SCAMP1: variants seen among roughly 807,000 people sequenced by gnomAD.
SCAMP1 encodes the protein secretory carrier membrane protein 1.
A neutral mutation model predicts 41.8 loss-of-function variants in SCAMP1; 15 were observed. That is an observed-to-expected ratio of 0.36 (90% confidence interval 0.24 to 0.55). The LOEUF is 0.55. SCAMP1 is among the 20% of genes least tolerant of loss of function. The pLI, the probability that SCAMP1 is intolerant of heterozygous loss-of-function variation, is 0.86. For synonymous variants in SCAMP1, 135 were observed against 136.8 expected, an observed-to-expected ratio of 0.99 and a Z score of 0.09; for missense variants, 341 against 412.6, an observed-to-expected ratio of 0.83 and a Z score of 1.50.
At chr5:78,435,511 T>C (rs973012750) in intron 6 of SCAMP1, among the ~76,000 whole-genome samples, 2 of 152,228 alleles carry the variant, frequency 1.3e-5, no homozygotes, top group Non-Finnish European at 2.9e-5. Context: ...TTGCTCAGAA[T>C]GATAGTTTCC....
At chr5:78,441,969 A>C (rs925790271) in intron 6 of SCAMP1, among the ~76,000 whole-genome samples, 1 of 151,982 alleles carries the variant, frequency 6.6e-6, no homozygotes, top group African/African-American at 2.4e-5. Flanking sequence ...TCTCTACAAA[A>C]AGTACAAATA....
intron 6 of SCAMP1, among the ~76,000 whole-genome samples, chr5:78,438,134 G>T (rs1325482431): frequency 1.3e-5 from 2 of 151,998 alleles, no homozygotes; most frequent in Non-Finnish European, 2.9e-5. Flanking sequence ...CTAGCAGTCT[G>T]TCAATTTTGT....
chr5:78,427,662 C>A (rs1752501080), intron 6 of SCAMP1, among the ~76,000 whole-genome samples: 1 of 152,042 alleles, frequency 6.6e-6, no homozygotes, highest in Admixed American at 6.6e-5. Flanking sequence ...CCATCAGCAA[C>A]GTCTGAGGGT....
intron 2 of SCAMP1, among the ~76,000 whole-genome samples, chr5:78,406,214 A>C (rs1430569507): frequency 6.6e-6 from 1 of 152,238 alleles, no homozygotes; most frequent in Non-Finnish European, 1.5e-5. Context: ...TTAAAAGTAC[A>C]AATTCTCTCT....
At chr5:78,457,537 C>T (rs562737994) in intron 7 of SCAMP1, among the ~76,000 whole-genome samples, 2 of 152,158 alleles carry the variant, frequency 1.3e-5, no homozygotes, top group Non-Finnish European at 2.9e-5. Context: ...AGGCAGTCTG[C>T]CCGTTCTCAG....
chr5:78,379,815 C>A (rs993494782), intron 1 of SCAMP1, among the ~76,000 whole-genome samples: 1 of 152,132 alleles, frequency 6.6e-6, no homozygotes, highest in Non-Finnish European at 1.5e-5. Flanking sequence ...ACGTTGATAG[C>A]GTGAATGTTG....
intron 2 of SCAMP1, among the ~76,000 whole-genome samples, chr5:78,411,586 C>A (rs1382216373): frequency 6.6e-6 from 1 of 152,070 alleles, no homozygotes; most frequent in Non-Finnish European, 1.5e-5. Context: ...TTTGTCCAAG[C>A]TTCCTCATCT....
intron 5 of SCAMP1, among the ~76,000 whole-genome samples, chr5:78,421,245 A>G (rs529846585): frequency 6.6e-6 from 1 of 152,326 alleles, no homozygotes; most frequent in South Asian, 2.1e-4. Flanking sequence ...GACTTAATAA[A>G]TTTAATCCTC....
intron 2 of SCAMP1, among the ~76,000 whole-genome samples, chr5:78,403,740 C>G (rs1393562334): frequency 6.6e-6 from 1 of 151,636 alleles, no homozygotes. Flanking sequence ...CTGAGGCGGG[C>G]GAATCACTTG....
chr5:78,430,700 A>G (rs1752599743), intron 6 of SCAMP1, among the ~76,000 whole-genome samples: 1 of 151,872 alleles, frequency 6.6e-6, no homozygotes, highest in African/African-American at 2.4e-5. Context: ...ATTATTAGGA[A>G]CTGAGGTTTT....
At chr5:78,392,300 C>T (rs1312694600) in intron 2 of SCAMP1, among the ~76,000 whole-genome samples, 2 of 152,228 alleles carry the variant, frequency 1.3e-5, no homozygotes, top group East Asian at 1.9e-4. Flanking sequence ...TTCCGTTTTA[C>T]TAATAAAGAT....
intron 1 of SCAMP1, among the ~76,000 whole-genome samples, chr5:78,376,508 C>T (rs982466545): frequency 2.6e-5 from 4 of 152,176 alleles, no homozygotes; most frequent in African/African-American, 9.7e-5. Context: ...TAAAGTTTGT[C>T]TCCAGTTCTT....
intron 1 of SCAMP1, among the ~76,000 whole-genome samples, chr5:78,372,725 G>A (rs1214693184): frequency 6.6e-6 from 1 of 152,048 alleles, no homozygotes; most frequent in Admixed American, 6.6e-5. Flanking sequence ...CCTGAGCTTG[G>A]TAAGGCAACT....
chr5:78,396,263 A>G (rs970050170), intron 2 of SCAMP1, among the ~76,000 whole-genome samples: 1 of 152,136 alleles, frequency 6.6e-6, no homozygotes, highest in African/African-American at 2.4e-5. Context: ...GGTGATGATG[A>G]TGTGTCAGTG....
chr5:78,387,001 C>T (rs1031867217), intron 1 of SCAMP1, among the ~76,000 whole-genome samples: 6 of 152,156 alleles, frequency 3.9e-5, no homozygotes, highest in Non-Finnish European at 5.9e-5. Context: ...ATGTCTAGAT[C>T]TCTAGCAAGG....
intron 2 of SCAMP1, among the ~76,000 whole-genome samples, chr5:78,391,877 C>T (rs567912364): frequency 4.6e-5 from 7 of 152,310 alleles, no homozygotes; most frequent in African/African-American, 9.6e-5. Context: ...CGTGGCGGCG[C>T]GCGCCTGCAA....
chr5:78,427,596 A>C (rs902291077), intron 6 of SCAMP1, among the ~76,000 whole-genome samples: 15 of 152,164 alleles, frequency 9.9e-5, no homozygotes, highest in African/African-American at 3.6e-4. Context: ...AAACGTGTCT[A>C]AATTTTTAAG....
chr5:78,388,884 T>A lies in SCAMP1; in HGVS notation c.105T>A (p.Asp35Glu), dbSNP rs759682299. 3 of 1,560,536 alleles carry A rather than the reference T, an allele frequency of 1.9e-6. No homozygotes were observed. Among genetic ancestry groups the A allele is most frequent in the South Asian group, 2.3e-5 (2 of 87,898 alleles). ...CAAGAAATGTTCCACCAGGACTTGA[T>A]GAATATAATCCATTCTCGGATTCTA... ...QVTRNVPPGL[D>E]EYNPFSDSRT... The change falls in exon 2 of 9, where the codon GAT (aspartate) becomes GAA (glutamate). Residue 35 changes from aspartate (D) to glutamate (E), a missense_variant. Asp to Glu is a conservative substitution (Grantham distance 45). Transcript: ENST00000621999.
intron 8 of SCAMP1, among the ~76,000 whole-genome samples, chr5:78,473,746 C>T (rs1016329516): frequency 6.6e-6 from 1 of 152,082 alleles, no homozygotes; most frequent in Non-Finnish European, 1.5e-5. Context: ...TCTGTTTCTG[C>T]ATTAATTAGG....
Sources: allele counts gnomAD v4.1 joint callset (sites outside exome capture counted in the v4.1 genomes callset), GRCh38; gene constraint gnomAD v4.1.1; transcripts MANE v1.5; gene names NCBI Gene and HGNC (gene_info 2026-07-23, HGNC 2026-07-21).